MRPL22: variants seen among roughly 807,000 people sequenced by gnomAD.
The protein encoded by MRPL22 is mitochondrial ribosomal protein L22, also known as large ribosomal subunit protein uL22m.
Under a neutral mutation model 32.4 loss-of-function variants are expected in MRPL22, and 27 were observed. The ratio of observed to expected loss-of-function variants is 0.83; its 90% CI spans 0.61 to 1.15. The LOEUF (loss-of-function observed/expected upper bound fraction) is 1.15. Among genes scored for constraint, MRPL22 ranks in the 50% most tolerant of loss-of-function variants. The probability of loss-of-function intolerance (pLI) is 0.00; values close to 1 mark genes in which losing one functional copy is unlikely to be tolerated. For synonymous variants in MRPL22, 86 were observed against 87.3 expected, an observed-to-expected ratio of 0.99 and a Z score of 0.08; for missense variants, 239 against 260.2, an observed-to-expected ratio of 0.92 and a Z score of 0.56.
chr5:154,951,203 G>T (rs1257315077), intron 3 of MRPL22, among the ~76,000 whole-genome samples: 13 of 152,186 alleles, frequency 8.5e-5, no homozygotes, highest in Admixed American at 8.5e-4. Context: ...ACTCTGAGAG[G>T]CTTGCTGATG....
intron 3 of MRPL22, among the ~76,000 whole-genome samples, chr5:154,954,219 G>T (rs1764602774): frequency 6.6e-6 from 1 of 151,958 alleles, no homozygotes; most frequent in Non-Finnish European, 1.5e-5. Flanking sequence ...CAAACTCCGG[G>T]GCTCAAGCAA....
chr5:154,966,011 C>G (rs1025558082), intron 6 of MRPL22, among the ~76,000 whole-genome samples: 7 of 152,164 alleles, frequency 4.6e-5, no homozygotes, highest in African/African-American at 1.7e-4. Flanking sequence ...ATTTGGGAGC[C>G]ATTGACTCCA....
In MRPL22 at chr5:154,959,929, C is replaced by T. The variant is rs774845379; in HGVS notation, c.340-51C>T. The stretch of plus-strand genomic sequence containing the variant: ...TAATGAGAGATGAGAAACTTAATTC[C>T]ATTTTACTTCAGGTTTAGCCGTATA... On this transcript the variant is annotated intron_variant, in intron 5 of 6. Coordinates refer to ENST00000523037, the MANE Select transcript of MRPL22 (RefSeq NM_014180.4). 3 of 1,315,348 alleles carry T rather than the reference C, an allele frequency of 2.3e-6. No individual in the cohort carries two copies. The Admixed American group carries it at 5.6e-5, about 25-fold the overall frequency. 81.5% of individuals were successfully genotyped at this position (1,315,348 alleles called of 1,614,324 possible). A position where few individuals can be genotyped will look rare whatever the true frequency, so the allele number is the denominator to read the frequency against.
At chr5:154,966,646 A>G (rs1764769513) in intron 6 of MRPL22, 40 bp from the exon 7 acceptor site, 2 of 1,601,488 alleles carry the variant, frequency 1.2e-6, no homozygotes, top group Admixed American at 1.7e-5. Context: ...GCTTGTGGAT[A>G]ACACTCATTT....
intron 6 of MRPL22, among the ~76,000 whole-genome samples, chr5:154,963,435 TGTA>T (rs1302663869): frequency 3.3e-5 from 5 of 152,338 alleles, no homozygotes; most frequent in Non-Finnish European, 1.5e-5. Flanking sequence ...ATTTAACACT[TGTA>T]GTTCTTTGAC....
intron 6 of MRPL22, among the ~76,000 whole-genome samples, chr5:154,961,143 A>G (rs1417005195): frequency 6.6e-6 from 1 of 152,126 alleles, no homozygotes; most frequent in Admixed American, 6.5e-5. Flanking sequence ...TGGCCACCAC[A>G]CCTCCTGAAA....
intron 2 of MRPL22, among the ~76,000 whole-genome samples, chr5:154,943,354 T>G (rs1764444803): frequency 1.3e-5 from 2 of 151,818 alleles, no homozygotes; most frequent in Non-Finnish European, 2.9e-5. Context: ...CAAGTGATCC[T>G]CCTGCCTTGG....
chr5:154,941,080 C>T lies in MRPL22; in HGVS notation c.-31C>T, dbSNP rs549768454. The stretch of plus-strand genomic sequence containing the variant: ...GCGTGCTGTCCAGAAGGCGCTTGAA[C>T]TCGGCGGCTTCCGTAGCGGGAGGGC... On this transcript the variant is annotated 5_prime_UTR_variant, in exon 1 of 7. Coordinates refer to ENST00000523037, the MANE Select transcript of MRPL22 (RefSeq NM_014180.4). 10 of 1,613,204 alleles carry T rather than the reference C, an allele frequency of 6.2e-6. No homozygotes were observed. In the African/African-American group the frequency reaches 6.7e-5, roughly 11 times the overall value.
At chr5:154,965,012 A>G (rs998465383) in intron 6 of MRPL22, among the ~76,000 whole-genome samples, 3 of 152,172 alleles carry the variant, frequency 2.0e-5, no homozygotes, top group Non-Finnish European at 2.9e-5. Flanking sequence ...TTCTCTGGAA[A>G]TTTGTAAACT....
At chr5:154,953,362 G>GAAAAAAAAAAAAAAAAAAAAAAAAAAAA (rs573134537) in intron 3 of MRPL22, among the ~76,000 whole-genome samples, 1 of 69,238 alleles carries the variant, frequency 1.4e-5, no homozygotes, top group African/African-American at 5.2e-5. Flanking sequence ...CGTCTCAGGA[G>GAAAAAAAAAAAAAAAAAAAAAAAAAAAA]AAAAAAAAAA....
Position 154,952,040 on chromosome 5 carries a change from C to G in MRPL22, c.195+1102C>G, listed in dbSNP as rs182507418. Among the ~76,000 whole-genome samples, 563 of 152,030 alleles carry G rather than the reference C, an allele frequency of 3.7e-3. 5 individuals carry two copies. Among genetic ancestry groups the G allele is most frequent in the African/African-American group, 0.012 (500 of 41,484 alleles). ...TGGGACTACAGGCGCCTGCCACCAT[C>G]CCGGCTAATTTTTTGTATTTTTAGT... is the stretch of plus-strand genomic sequence containing the variant. On this transcript the variant is annotated intron_variant, in intron 3 of 6. Transcript: ENST00000523037.
At chr5:154,948,366 A>C (rs1764518517) in intron 2 of MRPL22, among the ~76,000 whole-genome samples, 1 of 152,242 alleles carries the variant, frequency 6.6e-6, no homozygotes, top group South Asian at 2.1e-4. Context: ...CATTGAAACT[A>C]ATTGATATTT....
chr5:154,964,539 G>GTATT (rs1364118212), intron 6 of MRPL22, among the ~76,000 whole-genome samples: 1 of 152,182 alleles, frequency 6.6e-6, no homozygotes, highest in East Asian at 1.9e-4. Flanking sequence ...GCTGTGTTGG[G>GTATT]TATTCCCATT....
At chr5:154,957,006 T>C (rs1764639097) in intron 4 of MRPL22, 129 bp from the exon 5 acceptor site, 1 of 797,284 alleles carries the variant, frequency 1.3e-6, no homozygotes, top group Admixed American at 2.5e-5. Context: ...ACTTGTTTTC[T>C]TCTCTTTTAT....
chr5:154,952,026 G>A (rs1422707508), intron 3 of MRPL22, among the ~76,000 whole-genome samples: 1 of 151,884 alleles, frequency 6.6e-6, no homozygotes, highest in Admixed American at 6.6e-5. Flanking sequence ...GGGACTACAG[G>A]CGCCTGCCAC....
Position 154,968,439 on chromosome 5 carries a change from TGCTG to T in MRPL22, c.*1545_*1548del, listed in dbSNP as rs750858469. 1 of 152,252 alleles carries T rather than the reference TGCTG, an allele frequency of 6.6e-6. No homozygotes were observed. Among genetic ancestry groups the T allele is most frequent in the East Asian group, 1.9e-4 (1 of 5,202 alleles). 9.4% of individuals were successfully genotyped at this position (152,252 alleles called of 1,614,324 possible). A position where few individuals can be genotyped will look rare whatever the true frequency, so the allele number is the denominator to read the frequency against. The stretch of plus-strand genomic sequence containing the variant: ...AGAAGACTGGATAGGTCTCTTCCCT[TGCTG>T]GCCTCCATTTCATTCATTTATGAAA... On this transcript the variant is annotated 3_prime_UTR_variant, in exon 7 of 7. Coordinates refer to ENST00000523037, the MANE Select transcript of MRPL22 (RefSeq NM_014180.4).
rs1454533126 is a variant in MRPL22, at chr5:154,966,894, A to G, written c.618A>G (p.Leu206=). The G allele has an allele frequency of 3.1e-6, 5 of 1,610,308 alleles. No individual in the cohort carries two copies. The highest frequency in any genetic ancestry group is 2.2e-5 in the East Asian group (1 of 44,798). Residue 206 remains leucine (L), a synonymous_variant, in exon 7 of 7, where the codon CTA becomes CTG. Transcript: ENST00000523037. ...QLRSRTIVHT[L] The stretch of plus-strand genomic sequence containing the variant: ...GCAGCCGGACCATCGTTCACACTCT[A>G]TGATGAGGAGATTCAGACTCCACAG...
chr5:154,952,856 T>C (rs2544885), intron 3 of MRPL22, among the ~76,000 whole-genome samples: 5,296 of 152,256 alleles, frequency 0.035, 124 homozygotes, highest in African/African-American at 0.07. Flanking sequence ...CTAATTCTGA[T>C]CTTCTGCATT....
At position 154,944,297 on chromosome 5, in the gene MRPL22, T is replaced by C. The variant is rs111785139; in HGVS notation, c.77+3032T>C. On this transcript the variant is annotated intron_variant, in intron 2 of 6. Coordinates refer to ENST00000523037, the MANE Select transcript of MRPL22 (RefSeq NM_014180.4). ...TTTTAGGAGACAGAGTCTCACTATG[T>C]TGTACAGGCTGGTCTCGCACTCTTG... is the stretch of plus-strand genomic sequence containing the variant. 1.1e-3 allele frequency among the ~76,000 whole-genome samples: 162 copies of C among 152,228 alleles called. 3 individuals are homozygous for C. The highest frequency in any genetic ancestry group is 3.8e-3 in the African/African-American group (157 of 41,540).
Sources: allele counts gnomAD v4.1 joint callset (sites outside exome capture counted in the v4.1 genomes callset), GRCh38; gene constraint gnomAD v4.1.1; transcripts MANE v1.5; gene names NCBI Gene and HGNC (gene_info 2026-07-23, HGNC 2026-07-21).